Variants in FGF14 observed in about 807,000 individuals in gnomAD.
FGF14 encodes the protein fibroblast growth factor homologous factor 4.
Under a neutral mutation model 25.5 loss-of-function variants are expected in FGF14, and 5 were observed. The observed-to-expected ratio is 0.20, with a 90% confidence interval of 0.10 to 0.41. FGF14 has a LOEUF of 0.41. Ranked by LOEUF, FGF14 falls within the 10% of genes least tolerant of loss-of-function variation. FGF14 has a pLI of 1.00. For synonymous variants in FGF14, 138 were observed against 118.3 expected (o/e 1.17, Z -1.08); for missense variants, 222 against 320.1 (o/e 0.69, Z 2.34).
intron 3 of FGF14, among the ~76,000 whole-genome samples, chr13:101,786,492 G>A (rs2039835324): frequency 6.6e-6 from 1 of 152,148 alleles, no homozygotes; most frequent in Non-Finnish European, 1.5e-5. Context: ...GTCTACGGAA[G>A]TCTAAGTGTT....
intron 3 of FGF14, among the ~76,000 whole-genome samples, chr13:101,803,083 G>GA (rs2040981890): frequency 6.6e-6 from 1 of 150,834 alleles, no homozygotes; most frequent in African/African-American, 2.4e-5. Context: ...CAGCTGGCGT[G>GA]AAAATTGTTT....
intron 3 of FGF14, among the ~76,000 whole-genome samples, chr13:101,744,046 A>C (rs568595215): frequency 6.6e-6 from 1 of 152,156 alleles, no homozygotes; most frequent in African/African-American, 2.4e-5. Context: ...TCTGTGAGCA[A>C]CCCCTCACCA....
At chr13:102,104,673 C>A (rs1326510013) in intron 1 of FGF14, among the ~76,000 whole-genome samples, 1 of 152,158 alleles carries the variant, frequency 6.6e-6, no homozygotes, top group African/African-American at 2.4e-5. Context: ...GTAGTCCCAG[C>A]TACTCTGGAG....
At chr13:101,996,486 G>T (rs1220714713) in intron 1 of FGF14, among the ~76,000 whole-genome samples, 6 of 152,206 alleles carry the variant, frequency 3.9e-5, no homozygotes, top group Admixed American at 3.9e-4. Flanking sequence ...AAGTGGTCAT[G>T]AAAACAACTA....
At chr13:101,753,705 A>G (rs1022962088) in intron 3 of FGF14, among the ~76,000 whole-genome samples, 1 of 152,006 alleles carries the variant, frequency 6.6e-6, no homozygotes, top group Non-Finnish European at 1.5e-5. Context: ...GCAGAGGCTG[A>G]AGCAGGAGAA....
intron 1 of FGF14, among the ~76,000 whole-genome samples, chr13:101,987,119 T>C (rs1182855359): frequency 6.6e-6 from 1 of 152,138 alleles, no homozygotes; most frequent in Non-Finnish European, 1.5e-5. Flanking sequence ...ATTCCACTCT[T>C]TCCACCTCTA....
chr13:101,821,509 G>A (rs1051378421), intron 3 of FGF14, among the ~76,000 whole-genome samples: 1 of 152,132 alleles, frequency 6.6e-6, no homozygotes. Flanking sequence ...AAGATTATTT[G>A]TACATGAACT....
In FGF14 at chr13:102,400,640, A is replaced by C. The variant is rs148417940; in HGVS notation, c.208+831T>G. On this transcript the variant is annotated intron_variant, in intron 1 of 4. Coordinates refer to the FGF14 transcript ENST00000376131. This position sits in a 1 kb window ranked among gnomAD's most constrained non-coding sequence, Gnocchi z 4.3. ...TTGCATTTCTTATGTAATGTACTGC[A>C]AGTTCCCTTGTTGGAGCCCTTTGGA... Among the ~76,000 whole-genome samples, 428 of 152,308 alleles carry C rather than the reference A, an allele frequency of 2.8e-3. 1 individual carries two copies. Among genetic ancestry groups the C allele is most frequent in the African/African-American group, 9.8e-3 (406 of 41,576 alleles).
rs1005826141 is a variant in FGF14 at position 102,230,469 on chromosome 13, T to A, written c.208+171002A>T. 5.9e-5 allele frequency among the ~76,000 whole-genome samples: 9 copies of A among 152,238 alleles called. No homozygotes were observed. The East Asian group carries it at 9.7e-4, about 16-fold the overall frequency. ...AAAGGGTCCTATATTTAGAGCTCCA[T>A]AAAAGGTATACTGGGAGTACAAAGG... is the stretch of plus-strand genomic sequence containing the variant. On this transcript the variant is annotated intron_variant, in intron 1 of 4. Transcript: ENST00000376131.
At chr13:101,890,809 G>A (rs1465541289) in intron 1 of FGF14, among the ~76,000 whole-genome samples, 1 of 152,122 alleles carries the variant, frequency 6.6e-6, no homozygotes, top group African/African-American at 2.4e-5. Context: ...CACTGACTCC[G>A]GATAAGACGG....
In FGF14 at chr13:102,308,537, T is replaced by A. The variant is rs531183745; in HGVS notation, c.208+92934A>T. Among the ~76,000 whole-genome samples, 14 of 152,280 alleles carry A rather than the reference T, an allele frequency of 9.2e-5. No individual in the cohort carries two copies. The East Asian group carries it at 2.5e-3, about 27-fold the overall frequency. ...AGGGGGAAGTCTGATCAACTTCTTA[T>A]AATGTTCTAGTAAAATTCAATGCAA... On this transcript the variant is annotated intron_variant, in intron 1 of 4. Coordinates refer to the FGF14 transcript ENST00000376131.
chr13:102,298,153 C>A lies in FGF14; in HGVS notation c.208+103318G>T, dbSNP rs1044543033. ...TTATTTAAGTACATGTGTTCTCATG[C>A]CATAAACGACTGGGGGAAAAAAACT... On this transcript the variant is annotated intron_variant, in intron 1 of 4. Coordinates refer to the FGF14 transcript ENST00000376131. Among the ~76,000 whole-genome samples the A allele has an allele frequency of 3.9e-5, 6 of 152,036 alleles. No homozygotes were observed. The East Asian group carries it at 1.2e-3, about 29-fold the overall frequency.
At chr13:101,753,185 T>C (rs1336147845) in intron 3 of FGF14, among the ~76,000 whole-genome samples, 1 of 152,096 alleles carries the variant, frequency 6.6e-6, no homozygotes, top group Non-Finnish European at 1.5e-5. Flanking sequence ...AAGTGATATA[T>C]ATTTAATGGT....
chr13:102,295,728 T>C (rs182499473), intron 1 of FGF14, among the ~76,000 whole-genome samples: 25 of 152,252 alleles, frequency 1.6e-4, no homozygotes, highest in African/African-American at 4.6e-4. Flanking sequence ...CCAAAACACA[T>C]TGCTTCATAC....
At chr13:102,385,962 GAAAT>G (rs1215706620) in intron 1 of FGF14, among the ~76,000 whole-genome samples, 2 of 151,932 alleles carry the variant, frequency 1.3e-5, no homozygotes, top group Non-Finnish European at 2.9e-5. Context: ...TAGCGTTTAG[GAAAT>G]AAATATGATG....
At chr13:101,847,356 C>G (rs779591703) in intron 3 of FGF14, among the ~76,000 whole-genome samples, 1 of 152,022 alleles carries the variant, frequency 6.6e-6, no homozygotes, top group Non-Finnish European at 1.5e-5. Flanking sequence ...TCTGTGTCAA[C>G]TCTGTCTGCC....
chr13:102,011,583 G>C (rs1332944646), intron 1 of FGF14, among the ~76,000 whole-genome samples: 1 of 152,146 alleles, frequency 6.6e-6, no homozygotes, highest in East Asian at 1.9e-4. Flanking sequence ...GCCATACGCA[G>C]GAGTATGAAG....
intron 1 of FGF14, among the ~76,000 whole-genome samples, chr13:101,943,993 C>G (rs1432117450): frequency 1.1e-4 from 13 of 120,774 alleles, no homozygotes; most frequent in Admixed American, 3.3e-4. Flanking sequence ...AGTGAAACTC[C>G]GTCTCAAAAA....
chr13:102,263,717 T>C (rs1393187673), intron 1 of FGF14, among the ~76,000 whole-genome samples: 1 of 152,228 alleles, frequency 6.6e-6, no homozygotes, highest in African/African-American at 2.4e-5. Context: ...ATATTGCTTT[T>C]AATTCATGCA....
Sources: allele counts gnomAD v4.1 joint callset (sites outside exome capture counted in the v4.1 genomes callset), GRCh38; gene constraint gnomAD v4.1.1; non-coding constraint Gnocchi (gnomAD v3.1); transcripts MANE v1.5; gene names NCBI Gene and HGNC (gene_info 2026-07-23, HGNC 2026-07-21).